CAPZA1: variants seen among roughly 807,000 people sequenced by gnomAD.
CAPZA1 encodes F-actin-capping protein subunit alpha-1.
Under a neutral mutation model 40.8 loss-of-function variants are expected in CAPZA1, and 10 were observed. The ratio of observed to expected loss-of-function variants is 0.25; its 90% CI spans 0.15 to 0.42. The LOEUF (loss-of-function observed/expected upper bound fraction) is 0.42, where lower values mean the gene tolerates loss of function less well. Among genes scored for constraint, CAPZA1 ranks in the 10% least tolerant of loss-of-function variants. The pLI is 1.00. For missense variants in CAPZA1, 277 were observed against 353.8 expected, an observed-to-expected ratio of 0.78 and a Z score of 1.74; for synonymous variants, 98 against 115.0, an observed-to-expected ratio of 0.85 and a Z score of 0.95.
intron 5 of CAPZA1, among the ~76,000 whole-genome samples, chr1:112,655,233 ACTTTGGGAGG>A (rs1488408658): frequency 6.6e-6 from 1 of 152,212 alleles, no homozygotes; most frequent in Non-Finnish European, 1.5e-5. Context: ...TAATCCCAGC[ACTTTGGGAGG>A]CCAAGGTGGG....
chr1:112,638,250 G>GT (rs925395576), intron 1 of CAPZA1, among the ~76,000 whole-genome samples: 3 of 152,284 alleles, frequency 2.0e-5, no homozygotes, highest in Admixed American at 1.3e-4. Context: ...GAGTGTAGCT[G>GT]TAAGTCTAGG....
At chr1:112,641,024 C>G (rs1461971974) in intron 1 of CAPZA1, among the ~76,000 whole-genome samples, 2 of 152,116 alleles carry the variant, frequency 1.3e-5, no homozygotes, top group Non-Finnish European at 2.9e-5. Context: ...TTGAAGGCAG[C>G]ATGCTCATTA....
intron 7 of CAPZA1, among the ~76,000 whole-genome samples, chr1:112,665,758 T>G (rs1311041085): frequency 6.6e-6 from 1 of 152,202 alleles, no homozygotes; most frequent in Non-Finnish European, 1.5e-5. Context: ...TTCATCCTCA[T>G]GACCTAATCA....
intron 1 of CAPZA1, among the ~76,000 whole-genome samples, chr1:112,623,754 G>A (rs1322597578): frequency 6.6e-6 from 1 of 151,250 alleles, no homozygotes; most frequent in East Asian, 1.9e-4. Flanking sequence ...TTGGGAGGCC[G>A]AGGCGGGTGG....
At position 112,659,470 on chromosome 1, in the gene CAPZA1, T is replaced by G. The variant is rs774374006; in HGVS notation, c.507-231T>G. 5.5e-6 allele frequency: 3 copies of G among 542,284 alleles called. No homozygotes were observed. The Admixed American group carries it at 1.0e-4, about 18-fold the overall frequency. 33.6% of individuals were successfully genotyped at this position (542,284 alleles called of 1,614,324 possible). A position where few individuals can be genotyped will look rare whatever the true frequency, so the allele number is the denominator to read the frequency against. Reference sequence around the variant, plus strand: ...CCATTTCAAGGGAAAAAAGGAAAAATGAAAGACAAAATAACTTAGAAAAGG... The same window carrying G: ...CCATTTCAAGGGAAAAAAGGAAAAAGGAAAGACAAAATAACTTAGAAAAGG... On this transcript the variant is annotated intron_variant, in intron 6 of 9. Coordinates refer to ENST00000263168, the MANE Select transcript of CAPZA1 (RefSeq NM_006135.3).
chr1:112,620,159 C>A (rs569887544), intron 1 of CAPZA1: 1 of 359,258 alleles, frequency 2.8e-6, no homozygotes, highest in Non-Finnish European at 5.0e-6. Context: ...TTTATTGGAT[C>A]GTGACTGTGG....
chr1:112,637,549 G>A (rs1034053682), intron 1 of CAPZA1, among the ~76,000 whole-genome samples: 7 of 152,236 alleles, frequency 4.6e-5, no homozygotes, highest in African/African-American at 1.7e-4. Flanking sequence ...CCAGGCTCAA[G>A]TGATCCTCCT....
At chr1:112,646,718 A>G (rs1269104678) in intron 1 of CAPZA1, 1 of 150,974 alleles carries the variant, frequency 6.6e-6, no homozygotes, top group Non-Finnish European at 1.5e-5. Context: ...GTTTTTTATG[A>G]TATTGGAGTA....
At chr1:112,659,583 TC>T (rs1671562344) in intron 6 of CAPZA1, 117 bp from the exon 7 acceptor site, 16 of 441,640 alleles carry the variant, frequency 3.6e-5, no homozygotes, top group Admixed American at 1.1e-4. Flanking sequence ...TTTCTCTCTC[TC>T]TCTTTTTTTT....
At chr1:112,624,025 A>AG (rs1430571358) in intron 1 of CAPZA1, among the ~76,000 whole-genome samples, 1 of 150,242 alleles carries the variant, frequency 6.7e-6, no homozygotes, top group Non-Finnish European at 1.5e-5. Context: ...AAAAAAGAAA[A>AG]AAGAAAAGAA....
At chr1:112,660,253 AGATTGATTGATT>A (rs565085824) in intron 7 of CAPZA1, among the ~76,000 whole-genome samples, 7 of 151,798 alleles carry the variant, frequency 4.6e-5, no homozygotes, top group South Asian at 2.1e-4. Flanking sequence ...AAGCAGAAGT[AGATTGATTGATT>A]GATTGATTGA....
At chr1:112,639,317 T>C (rs1359186647) in intron 1 of CAPZA1, among the ~76,000 whole-genome samples, 3 of 152,186 alleles carry the variant, frequency 2.0e-5, no homozygotes, top group Non-Finnish European at 4.4e-5. Flanking sequence ...TTCCTCTAAT[T>C]GGATATTTCT....
chr1:112,633,519 G>A (rs1670961510), intron 1 of CAPZA1, among the ~76,000 whole-genome samples: 2 of 152,026 alleles, frequency 1.3e-5, no homozygotes, highest in South Asian at 4.1e-4. Flanking sequence ...GGTTACTTTT[G>A]TATCTTGATT....
intron 1 of CAPZA1, among the ~76,000 whole-genome samples, chr1:112,633,139 T>C (rs2101144480): frequency 6.6e-6 from 1 of 152,336 alleles, no homozygotes; most frequent in Middle Eastern, 3.4e-3. Context: ...CTAACTGTGG[T>C]CACCATGCAG....
chr1:112,662,876 G>A (rs1171403186), intron 7 of CAPZA1, among the ~76,000 whole-genome samples: 2 of 150,424 alleles, frequency 1.3e-5, no homozygotes, highest in African/African-American at 4.9e-5. Context: ...GAGAAATACA[G>A]AAGTTCTTGT....
At chr1:112,660,731 TAACTGTA>T (rs1444476945) in intron 7 of CAPZA1, among the ~76,000 whole-genome samples, 1 of 152,094 alleles carries the variant, frequency 6.6e-6, no homozygotes, top group Non-Finnish European at 1.5e-5. Flanking sequence ...TAAGCCTCAC[TAACTGTA>T]AGGTCAGAAT....
rs749026891 is a variant in CAPZA1 at position 112,654,587 on chromosome 1, T to G, written c.342T>G (p.Asp114Glu). 7.4e-6 allele frequency: 12 copies of G among 1,613,866 alleles called. No individual in the cohort carries two copies. The highest frequency in any genetic ancestry group is 1.0e-5 in the Non-Finnish European group (12 of 1,179,882). Reference protein sequence around the residue: ...EASDPQPEEADGGLKSWRESC... With the variant: ...EASDPQPEEAEGGLKSWRESC... ...GTGACCCCCAGCCAGAAGAAGCAGA[T>G]GGAGGTCTGAAGTCTTGGAGAGAAT... Residue 114 changes from aspartate (D) to glutamate (E), a missense_variant, in exon 5 of 10, where the codon GAT (aspartate) becomes GAG (glutamate). Coordinates refer to ENST00000263168, the MANE Select transcript of CAPZA1 (RefSeq NM_006135.3).
intron 5 of CAPZA1, among the ~76,000 whole-genome samples, chr1:112,657,287 T>C (rs1671517541): frequency 6.6e-6 from 1 of 152,176 alleles, no homozygotes; most frequent in Admixed American, 6.5e-5. Flanking sequence ...TTGTCTGCCC[T>C]TTCCACCTTG....
At chr1:112,620,023 A>G (rs1670563851) in intron 1 of CAPZA1, 140 bp downstream of exon 1, 14 of 661,250 alleles carry the variant, frequency 2.1e-5, no homozygotes, top group South Asian at 7.6e-5. Context: ...CGCAGTCGGG[A>G]CGCTTCCCTC....
Sources: allele counts gnomAD v4.1 joint callset (sites outside exome capture counted in the v4.1 genomes callset), GRCh38; gene constraint gnomAD v4.1.1; transcripts MANE v1.5; gene names NCBI Gene and HGNC (gene_info 2026-07-23, HGNC 2026-07-21).